Variants in CCDC73 observed in about 807,000 individuals in gnomAD.
The protein encoded by CCDC73 is coiled-coil domain containing 73, also known as coiled-coil domain-containing protein 73.
A neutral mutation model predicts 116.5 loss-of-function variants in CCDC73; 95 were observed. That is an observed-to-expected ratio of 0.82 (90% CI 0.69 to 0.97). The LOEUF is 0.97. Ranked by LOEUF, CCDC73 falls within the 50% of genes least tolerant of loss-of-function variation. CCDC73 has a pLI of 0.00. For synonymous variants in CCDC73, 398 were observed against 401.3 expected (o/e 0.99, Z 0.10); for missense variants, 1,066 against 1,206.8 (o/e 0.88, Z 1.73).
At chr11:32,696,664 G>A (rs745625661) in intron 6 of CCDC73, among the ~76,000 whole-genome samples, 1 of 151,826 alleles carries the variant, frequency 6.6e-6, no homozygotes, top group Non-Finnish European at 1.5e-5. Flanking sequence ...TTGAACTCCT[G>A]GGCTCAAGCA....
intron 14 of CCDC73, among the ~76,000 whole-genome samples, chr11:32,634,953 C>T (rs1855664773): frequency 6.6e-6 from 1 of 151,886 alleles, no homozygotes; most frequent in South Asian, 2.1e-4. Flanking sequence ...AAGACCTTGT[C>T]TTGAAAAAAA....
At chr11:32,642,144 T>C in intron 12 of CCDC73, 62 bp from the exon 13 acceptor site, 1 of 1,405,590 alleles carries the variant, frequency 7.1e-7, no homozygotes, top group Non-Finnish European at 9.3e-7. Flanking sequence ...CTGATGTGTT[T>C]TATGTTGCTT....
chr11:32,755,717 A>ATATC (rs1554968869), intron 2 of CCDC73, among the ~76,000 whole-genome samples: 4 of 47,094 alleles, frequency 8.5e-5, no homozygotes, highest in African/African-American at 3.8e-4. Flanking sequence ...CTCCATATAT[A>ATATC]TGTGTATATA....
At chr11:32,825,295 C>CTTTTTTT in the CCDC73 span, among the ~76,000 whole-genome samples, 2 of 64,468 alleles carry the variant, frequency 3.1e-5, no homozygotes, top group South Asian at 6.9e-4. Context: ...CTGATGCAGA[C>CTTTTTTT]TTTTTTTTTT....
At chr11:32,670,518 T>C (rs955366496) in intron 9 of CCDC73, among the ~76,000 whole-genome samples, 1 of 79,178 alleles carries the variant, frequency 1.3e-5, no homozygotes, top group Non-Finnish European at 2.6e-5. Context: ...CAAGGCTCTG[T>C]CTCAAAAAAA....
At chr11:32,764,978 A>G (rs1040987494) in intron 1 of CCDC73, among the ~76,000 whole-genome samples, 2 of 152,184 alleles carry the variant, frequency 1.3e-5, no homozygotes, top group African/African-American at 4.8e-5. Flanking sequence ...TCTCTGATAA[A>G]ACAGACTTTA....
At chr11:32,785,118 ACAGCGCTACTATACTC>A (rs1473252162) in intron 1 of CCDC73, among the ~76,000 whole-genome samples, 3 of 152,146 alleles carry the variant, frequency 2.0e-5, no homozygotes. Flanking sequence ...GTGAGCTGAG[ACAGCGCTACTATACTC>A]CAGCCTGGGC....
At chr11:32,622,644 C>T (rs947094178) in intron 14 of CCDC73, among the ~76,000 whole-genome samples, 11 of 142,808 alleles carry the variant, frequency 7.7e-5, no homozygotes, top group Admixed American at 4.4e-4. Context: ...GCACATTCTC[C>T]ACATGTATCA....
intron 1 of CCDC73, among the ~76,000 whole-genome samples, chr11:32,784,117 G>A (rs149668509): frequency 4.6e-5 from 7 of 152,230 alleles, no homozygotes; most frequent in African/African-American, 1.4e-4. Context: ...ATCACCTAAG[G>A]TCGGGAGTTC....
chr11:32,829,994 G>T, the CCDC73 span: 1 of 984,184 alleles, frequency 1.0e-6, no homozygotes, highest in Non-Finnish European at 1.2e-6. Flanking sequence ...GCGCCCCTCT[G>T]CGAACCCCAG....
At chr11:32,627,835 G>A (rs566014154) in intron 14 of CCDC73, among the ~76,000 whole-genome samples, 5 of 152,252 alleles carry the variant, frequency 3.3e-5, no homozygotes, top group East Asian at 3.9e-4. Flanking sequence ...TGAGGGGAGC[G>A]GGGAGGGATA....
chr11:32,682,474 C>T (rs1856155619), intron 7 of CCDC73: 1 of 151,886 alleles, frequency 6.6e-6, no homozygotes, highest in Non-Finnish European at 1.5e-5. Flanking sequence ...TTCTAACACA[C>T]CAAACAATTT....
intron 9 of CCDC73, among the ~76,000 whole-genome samples, chr11:32,660,379 A>AC (rs112422157): frequency 0.025 from 3,726 of 152,004 alleles, 140 homozygotes; most frequent in African/African-American, 0.083. Flanking sequence ...GATTCTTCCA[A>AC]CCCTTCCTTC....
intron 2 of CCDC73, among the ~76,000 whole-genome samples, chr11:32,744,156 T>G (rs1181552994): frequency 6.6e-6 from 1 of 152,346 alleles, no homozygotes; most frequent in East Asian, 1.9e-4. Flanking sequence ...TCTGCATCTC[T>G]TGAGATAATC....
intron 7 of CCDC73, chr11:32,682,735 C>G (rs1856159377): frequency 6.6e-6 from 1 of 151,706 alleles, no homozygotes; most frequent in South Asian, 2.1e-4. Context: ...TAAAATAGAG[C>G]TAGAAGGGAA....
At chr11:32,715,200 G>A (rs1849933752) in intron 3 of CCDC73, among the ~76,000 whole-genome samples, 2 of 152,160 alleles carry the variant, frequency 1.3e-5, no homozygotes, top group East Asian at 1.9e-4. Context: ...TGGTTTCAAA[G>A]GTCCTTATCC....
At chr11:32,778,229 CT>C (rs1415931425) in intron 1 of CCDC73, among the ~76,000 whole-genome samples, 1 of 152,140 alleles carries the variant, frequency 6.6e-6, no homozygotes, top group East Asian at 1.9e-4. Context: ...CTCTGATCTA[CT>C]GAGTCAGAAA....
chr11:32,718,228 A>G, intron 2 of CCDC73, 81 bp from the exon 3 acceptor site: 1 of 885,604 alleles, frequency 1.1e-6, no homozygotes, highest in South Asian at 1.6e-5. Flanking sequence ...GGAGAGATAT[A>G]GAAATAGCAT....
chr11:32,706,897 C>T (rs2419403), intron 3 of CCDC73, among the ~76,000 whole-genome samples: 88,549 of 151,876 alleles, frequency 0.58, 26,134 homozygotes, highest in East Asian at 0.84. Context: ...TTTTATTTTC[C>T]TTTTCTTTTC....
Sources: allele counts gnomAD v4.1 joint callset (sites outside exome capture counted in the v4.1 genomes callset), GRCh38; gene constraint gnomAD v4.1.1; transcripts MANE v1.5; gene names NCBI Gene and HGNC (gene_info 2026-07-23, HGNC 2026-07-21).